CDK14: variants seen among roughly 807,000 people sequenced by gnomAD.
CDK14 encodes the protein cyclin dependent kinase 14.
CDK14 carries 34 observed loss-of-function variants against 60.7 expected under a neutral mutation model. The observed-to-expected ratio is 0.56, with a 90% CI of 0.43 to 0.75. CDK14 has a LOEUF of 0.75. Ranked by LOEUF, CDK14 falls within the 30% of genes least tolerant of loss-of-function variation. The probability of loss-of-function intolerance (pLI) is 0.00; values close to 1 mark genes in which losing one functional copy is unlikely to be tolerated. For missense variants in CDK14, 482 were observed against 564.1 expected (o/e 0.85, Z 1.47); for synonymous variants, 197 against 203.7 (o/e 0.97, Z 0.28).
chr7:90,862,103 A>G (rs1791027907), intron 5 of CDK14, among the ~76,000 whole-genome samples: 1 of 152,228 alleles, frequency 6.6e-6, no homozygotes, highest in African/African-American at 2.4e-5. Context: ...AGAATAGAAG[A>G]AAAGAAAAAA....
intron 10 of CDK14, among the ~76,000 whole-genome samples, chr7:90,999,129 C>T (rs946249770): frequency 7.2e-5 from 11 of 152,082 alleles, no homozygotes; most frequent in Admixed American, 4.6e-4. Flanking sequence ...AAGGCCCCAT[C>T]TCCAAATGTC....
intron 4 of CDK14, among the ~76,000 whole-genome samples, chr7:90,764,509 A>G (rs760733598): frequency 2.6e-5 from 4 of 152,194 alleles, no homozygotes; most frequent in African/African-American, 7.2e-5. Context: ...ACTAGTAGGA[A>G]TTGTAACAAT....
intron 2 of CDK14, among the ~76,000 whole-genome samples, chr7:90,721,521 T>G (rs898331836): frequency 1.3e-5 from 2 of 152,212 alleles, no homozygotes; most frequent in African/African-American, 4.8e-5. Context: ...TTTGTCCTTC[T>G]AGCACGATCC....
At chr7:90,730,341 A>G (rs1044386201) in intron 3 of CDK14, among the ~76,000 whole-genome samples, 9 of 152,124 alleles carry the variant, frequency 5.9e-5, no homozygotes, top group Non-Finnish European at 1.2e-4. Context: ...TTTATAGCAG[A>G]ATGATTTACA....
At chr7:90,856,566 G>T (rs561869237) in intron 5 of CDK14, among the ~76,000 whole-genome samples, 1 of 152,238 alleles carries the variant, frequency 6.6e-6, no homozygotes, top group African/African-American at 2.4e-5. Context: ...AGTGCTCAGC[G>T]TACGCACATG....
intron 2 of CDK14, among the ~76,000 whole-genome samples, chr7:90,647,556 T>C (rs1380005406): frequency 1.3e-5 from 2 of 151,376 alleles, no homozygotes; most frequent in Admixed American, 1.3e-4. Context: ...TGAGTGAAGG[T>C]GTTGGTAAAG....
intron 6 of CDK14, among the ~76,000 whole-genome samples, chr7:90,866,265 C>T (rs1220188548): frequency 6.6e-6 from 1 of 151,596 alleles, no homozygotes; most frequent in African/African-American, 2.4e-5. Context: ...CACACACACA[C>T]ACACACACAG....
At chr7:91,159,388 C>A (rs1292239941) in intron 14 of CDK14, among the ~76,000 whole-genome samples, 1 of 152,162 alleles carries the variant, frequency 6.6e-6, no homozygotes, top group Non-Finnish European at 1.5e-5. Flanking sequence ...ACTTAATCAT[C>A]CTCTGTCTGC....
chr7:90,667,820 C>T (rs906048514), intron 2 of CDK14, among the ~76,000 whole-genome samples: 1 of 152,220 alleles, frequency 6.6e-6, no homozygotes. Context: ...CCGCCCGCCT[C>T]TGCCTCCCAA....
In CDK14 at chr7:90,596,580, T is replaced by C. The variant is rs771954616; in HGVS notation, c.-48T>C. The stretch of plus-strand genomic sequence containing the variant: ...CGCGCGCCCTCGCCGTTGTCTGAGC[T>C]GTGCCTGGACCAGTTTGGGGAAGTT... On this transcript the variant is annotated 5_prime_UTR_variant, in exon 1 of 15. Transcript: ENST00000380050. 2 of 1,522,266 alleles carry C rather than the reference T, an allele frequency of 1.3e-6. No individual in the cohort carries two copies. Among genetic ancestry groups the C allele is most frequent in the African/African-American group, 2.7e-5 (2 of 73,038 alleles). The allele number at this position is 1,522,266 out of a possible 1,614,324, so 94.3% of individuals were successfully genotyped here.
chr7:90,926,101 G>T (rs1793407776), intron 8 of CDK14, among the ~76,000 whole-genome samples: 1 of 152,072 alleles, frequency 6.6e-6, no homozygotes, highest in South Asian at 2.1e-4. Flanking sequence ...TGTCTTTAGA[G>T]CCCCAGTGTA....
intron 3 of CDK14, among the ~76,000 whole-genome samples, chr7:90,737,736 TA>T (rs1803180839): frequency 6.6e-6 from 1 of 152,218 alleles, no homozygotes; most frequent in African/African-American, 2.4e-5. Context: ...GGTTTGACTT[TA>T]AATCCTTATT....
intron 10 of CDK14, among the ~76,000 whole-genome samples, chr7:91,008,146 C>CAAAAAAAAAAA (rs1394465227): frequency 4.8e-5 from 4 of 84,122 alleles, no homozygotes; most frequent in Non-Finnish European, 5.3e-5. Context: ...AAAAAAAAAA[C>CAAAAAAAAAAA]AAACAAAAAA....
chr7:90,920,762 C>CATA (rs1408170849), intron 8 of CDK14, among the ~76,000 whole-genome samples: 2 of 152,192 alleles, frequency 1.3e-5, no homozygotes, highest in African/African-American at 4.8e-5. Flanking sequence ...CAAAAATATG[C>CATA]ATCACATAAT....
chr7:91,201,189 T>C (rs1396469868), intron 14 of CDK14, among the ~76,000 whole-genome samples: 2 of 152,226 alleles, frequency 1.3e-5, no homozygotes, highest in East Asian at 3.8e-4. Flanking sequence ...CAAATTATAA[T>C]TATTTTTTTC....
chr7:91,165,441 G>A (rs1801315634), intron 14 of CDK14, among the ~76,000 whole-genome samples: 2 of 152,078 alleles, frequency 1.3e-5, no homozygotes, highest in Non-Finnish European at 2.9e-5. Flanking sequence ...CCTTGAGCAT[G>A]CCATTTAATC....
chr7:90,985,009 TTAAG>T (rs1279043210), intron 10 of CDK14, among the ~76,000 whole-genome samples: 1 of 152,182 alleles, frequency 6.6e-6, no homozygotes, highest in African/African-American at 2.4e-5. Context: ...AAAAACATTA[TTAAG>T]TATGTTGTTA....
intron 11 of CDK14, among the ~76,000 whole-genome samples, chr7:91,053,129 T>C (rs1584267916): frequency 6.6e-6 from 1 of 152,246 alleles, no homozygotes; most frequent in East Asian, 1.9e-4. Flanking sequence ...TAAAATACTA[T>C]GGTGATAACA....
At chr7:90,786,926 CAAAAAAAAA>C (rs34902431) in intron 4 of CDK14, among the ~76,000 whole-genome samples, 1 of 87,758 alleles carries the variant, frequency 1.1e-5, no homozygotes, top group Non-Finnish European at 2.2e-5. Flanking sequence ...ACCCTGTCTC[CAAAAAAAAA>C]AAAAAAAAAA....
Sources: allele counts gnomAD v4.1 joint callset (sites outside exome capture counted in the v4.1 genomes callset), GRCh38; gene constraint gnomAD v4.1.1; transcripts MANE v1.5; gene names NCBI Gene and HGNC (gene_info 2026-07-23, HGNC 2026-07-21).